IMMP2L: variants seen among roughly 807,000 people sequenced by gnomAD.
IMMP2L encodes the protein inner mitochondrial membrane peptidase subunit 2, also known as mitochondrial inner membrane protease subunit 2.
IMMP2L carries 18 observed loss-of-function variants against 19.3 expected under a neutral mutation model. That is an observed-to-expected ratio of 0.93 (90% CI 0.64 to 1.38). The LOEUF (loss-of-function observed/expected upper bound fraction) is 1.38, where lower values mean the gene tolerates loss of function less well. Among genes scored for constraint, IMMP2L ranks in the 40% most tolerant of loss-of-function variants. IMMP2L has a pLI of 0.00. For synonymous variants in IMMP2L, 76 were observed against 73.0 expected (o/e 1.04, Z -0.21); for missense variants, 233 against 218.2 (o/e 1.07, Z -0.43).
At chr7:111,297,003 A>G (rs187054008) in intron 3 of IMMP2L, among the ~76,000 whole-genome samples, 1 of 152,028 alleles carries the variant, frequency 6.6e-6, no homozygotes, top group Non-Finnish European at 1.5e-5. Flanking sequence ...GGAGATGAAG[A>G]ACAGATTAGT....
Position 111,051,880 on chromosome 7 carries a change from C to T in IMMP2L, c.240-88315G>A, listed in dbSNP as rs141786642. Among the ~76,000 whole-genome samples, 276 of 152,344 alleles carry T rather than the reference C, an allele frequency of 1.8e-3. 1 individual carries two copies. The highest frequency in any genetic ancestry group is 5.4e-3 in the African/African-American group (225 of 41,576). On this transcript the variant is annotated intron_variant, in intron 3 of 5. Transcript: ENST00000405709. ...AATGAAATTTTAAGCCTCCAACTGA[C>T]TCAATGGACCTCTCCTTTTGGCCTA...
chr7:111,378,887 G>A (rs1179862164), intron 3 of IMMP2L, among the ~76,000 whole-genome samples: 2 of 151,704 alleles, frequency 1.3e-5, no homozygotes, highest in East Asian at 3.9e-4. Context: ...ATAAAAACAG[G>A]TTAGTATACT....
intron 3 of IMMP2L, among the ~76,000 whole-genome samples, chr7:111,018,978 A>G (rs947518646): frequency 2.6e-5 from 4 of 152,114 alleles, no homozygotes; most frequent in African/African-American, 9.7e-5. Flanking sequence ...TGAGTTAGTG[A>G]ACATATTCAA....
At chr7:111,433,217 T>C (rs530281414) in intron 3 of IMMP2L, among the ~76,000 whole-genome samples, 3 of 151,850 alleles carry the variant, frequency 2.0e-5, no homozygotes, top group South Asian at 4.2e-4. Context: ...GCTTATCTCA[T>C]GAGAACTCAC....
intron 5 of IMMP2L, among the ~76,000 whole-genome samples, chr7:110,695,668 G>C (rs1793829864): frequency 6.6e-6 from 1 of 152,164 alleles, no homozygotes; most frequent in Non-Finnish European, 1.5e-5. Flanking sequence ...GATAGAAAAG[G>C]ATATGCTTCT....
intron 5 of IMMP2L, among the ~76,000 whole-genome samples, chr7:110,743,854 T>C (rs1442675364): frequency 6.6e-6 from 1 of 151,796 alleles, no homozygotes; most frequent in African/African-American, 2.4e-5. Context: ...CTGAGCTAGC[T>C]GGAGGAGTTT....
At chr7:111,484,900 C>T (rs922296522) in intron 3 of IMMP2L, among the ~76,000 whole-genome samples, 1 of 152,054 alleles carries the variant, frequency 6.6e-6, no homozygotes, top group African/African-American at 2.4e-5. Flanking sequence ...GATCTTCCTA[C>T]CTCAGCCTCC....
At chr7:111,462,178 T>G (rs1178450349) in intron 3 of IMMP2L, among the ~76,000 whole-genome samples, 1 of 152,052 alleles carries the variant, frequency 6.6e-6, no homozygotes, top group Non-Finnish European at 1.5e-5. Context: ...CAGTAATTGT[T>G]TGAGCAACTT....
At chr7:110,853,139 C>A (rs1806415216) in intron 5 of IMMP2L, among the ~76,000 whole-genome samples, 2 of 151,996 alleles carry the variant, frequency 1.3e-5, no homozygotes, top group African/African-American at 4.8e-5. Context: ...TCTGAGTACA[C>A]ACACACACAC....
intron 4 of IMMP2L, among the ~76,000 whole-genome samples, chr7:110,909,194 T>G (rs962068783): frequency 6.6e-6 from 1 of 152,070 alleles, no homozygotes; most frequent in South Asian, 2.1e-4. Flanking sequence ...GAACACAGTA[T>G]GAAATGAGGC....
At chr7:111,505,654 G>A (rs1020301054) in intron 2 of IMMP2L, among the ~76,000 whole-genome samples, 2 of 152,112 alleles carry the variant, frequency 1.3e-5, no homozygotes, top group Non-Finnish European at 2.9e-5. Flanking sequence ...AAAATGATGA[G>A]TTCATGTCCT....
intron 5 of IMMP2L, among the ~76,000 whole-genome samples, chr7:110,725,998 A>G (rs1383667653): frequency 6.6e-6 from 1 of 152,210 alleles, no homozygotes; most frequent in African/African-American, 2.4e-5. Context: ...CATTCTACAG[A>G]TAAGAAAATT....
chr7:111,065,321 A>G (rs1378603717), intron 3 of IMMP2L, among the ~76,000 whole-genome samples: 3 of 152,170 alleles, frequency 2.0e-5, no homozygotes, highest in Non-Finnish European at 4.4e-5. Context: ...CCGGTTGTAG[A>G]AAGGATAGCT....
intron 4 of IMMP2L, among the ~76,000 whole-genome samples, chr7:110,959,197 T>G (rs1044472168): frequency 6.6e-6 from 1 of 151,950 alleles, no homozygotes; most frequent in Non-Finnish European, 1.5e-5. Context: ...TTATGAAATA[T>G]CAAATTCTTT....
At chr7:111,474,293 C>T (rs926218175) in intron 3 of IMMP2L, among the ~76,000 whole-genome samples, 3 of 152,042 alleles carry the variant, frequency 2.0e-5, no homozygotes, top group Non-Finnish European at 4.4e-5. Context: ...ACCCAAGTAA[C>T]AAAGTGCACA....
intron 5 of IMMP2L, among the ~76,000 whole-genome samples, chr7:110,673,384 G>C (rs1463491498): frequency 6.6e-6 from 1 of 152,242 alleles, no homozygotes; most frequent in African/African-American, 2.4e-5. Flanking sequence ...CCTGTGATGG[G>C]AGGGGCTGCC....
chr7:111,369,510 T>C (rs1032110514), intron 3 of IMMP2L, among the ~76,000 whole-genome samples: 4 of 151,900 alleles, frequency 2.6e-5, no homozygotes, highest in African/African-American at 4.8e-5. Context: ...AATCATGGAT[T>C]GGTGAGAGTC....
chr7:111,261,873 G>A (rs1216481161), intron 3 of IMMP2L, among the ~76,000 whole-genome samples: 1 of 152,140 alleles, frequency 6.6e-6, no homozygotes, highest in Non-Finnish European at 1.5e-5. Flanking sequence ...GTCATGCTAA[G>A]AAATATGATT....
chr7:110,689,410 A>T (rs547966974), intron 5 of IMMP2L, among the ~76,000 whole-genome samples: 5 of 151,262 alleles, frequency 3.3e-5, no homozygotes, highest in South Asian at 4.2e-4. Context: ...ATATTTTTAA[A>T]CTCTTTATCT....
Sources: gnomAD v4.1 joint callset for allele counts (sites outside exome capture counted in the v4.1 genomes callset) on GRCh38, gnomAD v4.1.1 for gene constraint, MANE v1.5 for transcripts, NCBI Gene and HGNC (gene_info 2026-07-23, HGNC 2026-07-21) for gene names.